Variants in CSMD1 observed in about 807,000 individuals in gnomAD.
CSMD1 encodes the protein CUB and sushi domain-containing protein 1.
Under a neutral mutation model 417.5 loss-of-function variants are expected in CSMD1, and 213 were observed. The ratio of observed to expected loss-of-function variants is 0.51; its 90% CI spans 0.46 to 0.57. The LOEUF (loss-of-function observed/expected upper bound fraction) is 0.57, where lower values mean the gene tolerates loss of function less well. Among genes scored for constraint, CSMD1 ranks in the 20% least tolerant of loss-of-function variants. The pLI is 0.00. For missense variants in CSMD1, 6,923 were observed against 4,529.7 expected (o/e 1.53, Z -15.17); for synonymous variants, 2,862 against 1,736.8 (o/e 1.65, Z -16.11).
At chr8:3,423,270 A>T (rs999686424) in intron 12 of CSMD1, among the ~76,000 whole-genome samples, 6 of 152,092 alleles carry the variant, frequency 3.9e-5, no homozygotes, top group African/African-American at 1.2e-4. Context: ...CCAACACCAA[A>T]ATCATGGTAT....
At chr8:4,618,665 T>C (rs2130808905) in intron 2 of CSMD1, among the ~76,000 whole-genome samples, 1 of 152,266 alleles carries the variant, frequency 6.6e-6, no homozygotes, top group Non-Finnish European at 1.5e-5. Flanking sequence ...TGACTGGATT[T>C]CAATCAAACA....
intron 1 of CSMD1, among the ~76,000 whole-genome samples, chr8:4,970,957 G>A (rs771598671): frequency 6.6e-6 from 1 of 152,094 alleles, no homozygotes; most frequent in Non-Finnish European, 1.5e-5. Context: ...TATGATATCA[G>A]TGTGTTTACA....
intron 4 of CSMD1, among the ~76,000 whole-genome samples, chr8:4,005,540 T>G (rs1457203378): frequency 6.6e-6 from 1 of 152,226 alleles, no homozygotes; most frequent in Non-Finnish European, 1.5e-5. Context: ...AATTGGCTCA[T>G]TCTTTATTTT....
At chr8:3,709,778 C>A (rs1801402110) in intron 6 of CSMD1, among the ~76,000 whole-genome samples, 1 of 145,344 alleles carries the variant, frequency 6.9e-6, no homozygotes, top group South Asian at 2.2e-4. Flanking sequence ...CTGACTTACC[C>A]CTTTCAGGTC....
chr8:3,984,730 TATATATATATATATATATATA>T (rs1814182079), intron 5 of CSMD1, among the ~76,000 whole-genome samples: 1 of 125,370 alleles, frequency 8.0e-6, no homozygotes, highest in African/African-American at 3.1e-5. Flanking sequence ...TATATATATA[TATATATATATATATATATATA>T]TTTGTATGTA....
intron 5 of CSMD1, among the ~76,000 whole-genome samples, chr8:3,979,193 G>C (rs754138664): frequency 6.6e-6 from 1 of 152,188 alleles, no homozygotes; most frequent in Admixed American, 6.5e-5. Flanking sequence ...CTAACAGACA[G>C]GGACAGCCAA....
chr8:4,418,533 A>C lies in CSMD1; in HGVS notation c.415+1420T>G, dbSNP rs147565426. The stretch of plus-strand genomic sequence containing the variant: ...CATCAGGAGGGGAGAAAAAAATGCC[A>C]AGTTTTCTAAAATGTGGAAGCATTA... On this transcript the variant is annotated intron_variant, in intron 3 of 69. Coordinates refer to ENST00000635120, the MANE Select transcript of CSMD1 (RefSeq NM_033225.6). Among the ~76,000 whole-genome samples, 85 of 151,772 alleles carry C rather than the reference A, an allele frequency of 5.6e-4. 2 individuals are homozygous for C. In the East Asian group the frequency reaches 0.016, roughly 29 times the overall value.
At chr8:3,064,830 A>G (rs1282784908) in intron 49 of CSMD1, among the ~76,000 whole-genome samples, 1 of 152,240 alleles carries the variant, frequency 6.6e-6, no homozygotes, top group Non-Finnish European at 1.5e-5. Context: ...TTAAAATCTC[A>G]ATAAAGTAGG....
chr8:4,393,679 C>T (rs577299856), intron 3 of CSMD1, among the ~76,000 whole-genome samples: 6 of 152,180 alleles, frequency 3.9e-5, no homozygotes, highest in Non-Finnish European at 8.8e-5. Flanking sequence ...CACTCCTATA[C>T]TATAATTAAC....
At position 3,397,576 on chromosome 8, in the gene CSMD1, T is replaced by A. The variant is rs773153018; in HGVS notation, c.2406-1195A>T. On this transcript the variant is annotated intron_variant, in intron 16 of 69. Transcript: ENST00000635120. ...GGCTGCCACATTTGGGATTGCATAG[T>A]GCCAACTTTGTCTTATGACACTATT... Among the ~76,000 whole-genome samples, 4 of 152,344 alleles carry A rather than the reference T, an allele frequency of 2.6e-5. No individual in the cohort carries two copies. The Middle Eastern group carries it at 0.01, about 389-fold the overall frequency.
rs9987246 is a variant in CSMD1 at position 2,966,451 on chromosome 8, C to T, written c.9100+119G>A. 6,761 of 928,844 alleles carry T rather than the reference C, an allele frequency of 7.3e-3. 320 individuals are homozygous for T. In the African/African-American group the frequency reaches 0.1, roughly 14 times the overall value. The allele number at this position is 928,844 out of a possible 1,614,324, so 57.5% of individuals were successfully genotyped here. ...GCCACAATGTCACACATAGTTTTCCCTTTTTTCCTCTATGAATTAAAAATA... is the reference window on the plus strand; with the variant it reads ...GCCACAATGTCACACATAGTTTTCCTTTTTTTCCTCTATGAATTAAAAATA... On this transcript the variant is annotated intron_variant, in intron 58 of 69. Transcript: ENST00000635120.
At chr8:3,311,844 C>G (rs942057226) in intron 23 of CSMD1, among the ~76,000 whole-genome samples, 2 of 152,096 alleles carry the variant, frequency 1.3e-5, no homozygotes, top group African/African-American at 4.8e-5. Flanking sequence ...TCCTGTGGGA[C>G]TTACAAATTG....
chr8:3,388,912 C>T (rs994497830), intron 17 of CSMD1, among the ~76,000 whole-genome samples: 7 of 41,598 alleles, frequency 1.7e-4, no homozygotes, highest in South Asian at 8.0e-4. Flanking sequence ...CACACACACA[C>T]ACACACACAC....
chr8:3,563,159 T>A (rs114333761), intron 10 of CSMD1, among the ~76,000 whole-genome samples: 1 of 152,078 alleles, frequency 6.6e-6, no homozygotes, highest in African/African-American at 2.4e-5. Context: ...CCTAATGTAT[T>A]TGGCACTGTG....
chr8:3,202,448 C>A (rs1244490865), intron 31 of CSMD1, among the ~76,000 whole-genome samples: 3 of 152,154 alleles, frequency 2.0e-5, no homozygotes, highest in Non-Finnish European at 4.4e-5. Flanking sequence ...GGTGTGTGAA[C>A]ACACCTCCTC....
At chr8:3,778,779 G>C (rs1229072924) in intron 5 of CSMD1, among the ~76,000 whole-genome samples, 1 of 152,176 alleles carries the variant, frequency 6.6e-6, no homozygotes, top group Non-Finnish European at 1.5e-5. Flanking sequence ...GGGTATCATG[G>C]AGCCTTGTTT....
chr8:3,817,252 CTTTTTTTTTTTTTTTTTTTTTTTTTTTTT>C (rs767668610), intron 5 of CSMD1, among the ~76,000 whole-genome samples: 19 of 54,420 alleles, frequency 3.5e-4, no homozygotes, highest in South Asian at 8.3e-4. Context: ...TCTTCTTCTT[CTTTTTTTTTTTTTTTTTTTTTTTTTTTTT>C]TTTTTTTTTT....
intron 51 of CSMD1, among the ~76,000 whole-genome samples, chr8:3,020,463 G>C (rs1028543665): frequency 2.0e-5 from 3 of 152,094 alleles, no homozygotes; most frequent in Non-Finnish European, 2.9e-5. Context: ...CTGACCTCCT[G>C]GGTTCAAGAC....
intron 17 of CSMD1, among the ~76,000 whole-genome samples, chr8:3,395,042 T>A (rs1347678865): frequency 6.6e-6 from 1 of 152,156 alleles, no homozygotes; most frequent in South Asian, 2.1e-4. Flanking sequence ...TTAAATGTGC[T>A]GGAGTGGGGC....
Sources: allele counts gnomAD v4.1 joint callset (sites outside exome capture counted in the v4.1 genomes callset), GRCh38; gene constraint gnomAD v4.1.1; transcripts MANE v1.5; gene names NCBI Gene and HGNC (gene_info 2026-07-23, HGNC 2026-07-21).